Variants in CIB4 observed in about 807,000 individuals in gnomAD.
CIB4 encodes calcium and integrin-binding family member 4.
CIB4 carries 25 observed loss-of-function variants against 25.8 expected under a neutral mutation model. The observed-to-expected ratio is 0.97, with a 90% CI of 0.71 to 1.35. The LOEUF is 1.35. CIB4 is among the 40% of genes most tolerant of loss of function. The probability of loss-of-function intolerance (pLI) is 0.00; values close to 1 mark genes in which losing one functional copy is unlikely to be tolerated. For missense variants in CIB4, 235 were observed against 228.2 expected (o/e 1.03, Z -0.19); for synonymous variants, 75 against 81.4 (o/e 0.92, Z 0.42).
At chr2:26,597,426 T>TAAA (rs374182652) in intron 3 of CIB4, among the ~76,000 whole-genome samples, 16 of 138,380 alleles carry the variant, frequency 1.2e-4, no homozygotes, top group African/African-American at 2.6e-4. Context: ...CGACAGCTAT[T>TAAA]AAAAAAAAAA....
At chr2:26,607,972 T>C (rs1450145234) in intron 3 of CIB4, among the ~76,000 whole-genome samples, 1 of 152,224 alleles carries the variant, frequency 6.6e-6, no homozygotes, top group African/African-American at 2.4e-5. Context: ...GCGCGATGGC[T>C]CACGCCTGTA....
chr2:26,583,549 A>C (rs760801634), intron 5 of CIB4, among the ~76,000 whole-genome samples: 1 of 152,080 alleles, frequency 6.6e-6, no homozygotes, highest in Admixed American at 6.5e-5. Flanking sequence ...GACTTGGAGG[A>C]AGGACAGAAA....
intron 3 of CIB4, among the ~76,000 whole-genome samples, chr2:26,607,959 CG>C (rs1668923482): frequency 6.6e-6 from 1 of 152,242 alleles, no homozygotes; most frequent in African/African-American, 2.4e-5. Context: ...CAGCTCTGGC[CG>C]GGCGCGATGG....
At chr2:26,585,183 C>T (rs926370414) in intron 4 of CIB4, among the ~76,000 whole-genome samples, 20 of 152,050 alleles carry the variant, frequency 1.3e-4, no homozygotes, top group Admixed American at 3.3e-4. Flanking sequence ...CCTGGAGGGA[C>T]GGTGGGTGGA....
chr2:26,620,324 G>A (rs983230884), intron 3 of CIB4, among the ~76,000 whole-genome samples: 1 of 152,246 alleles, frequency 6.6e-6, no homozygotes, highest in Admixed American at 6.5e-5. Flanking sequence ...TGGCTGAAAG[G>A]AAGGTCAATT....
chr2:26,629,580 A>G, intron 2 of CIB4, 74 bp from the exon 3 acceptor site: 1 of 998,334 alleles, frequency 1.0e-6, no homozygotes, highest in South Asian at 1.4e-5. Context: ...AAAGGAGGCC[A>G]GCAAGCCTGT....
chr2:26,641,356 C>T lies in CIB4; in HGVS notation c.-42G>A, dbSNP rs1669632190. The T allele has an allele frequency of 1.9e-6, 3 of 1,561,116 alleles. No individual in the cohort carries two copies. Among genetic ancestry groups the T allele is most frequent in the Middle Eastern group, 3.4e-4 (2 of 5,958 alleles). On this transcript the variant is annotated 5_prime_UTR_variant, in exon 1 of 7. Coordinates refer to ENST00000288861, the MANE Select transcript of CIB4 (RefSeq NM_001029881.3). ...TGTCTGCCAGCAGTAGAACCTCAGC[C>T]TCAAGGACTCGCCAGCTGAGGCACC...
intron 4 of CIB4, among the ~76,000 whole-genome samples, chr2:26,594,722 T>A (rs762600092): frequency 1.3e-5 from 2 of 152,076 alleles, no homozygotes; most frequent in East Asian, 3.9e-4. Context: ...GACCAAAAAA[T>A]GTCAAAGTGC....
chr2:26,601,232 ATATATAT>A (rs372138663), intron 3 of CIB4, among the ~76,000 whole-genome samples: 2,516 of 45,320 alleles, frequency 0.056, 217 homozygotes, highest in Non-Finnish European at 0.076. Context: ...AAAAAAAAAA[ATATATAT>A]ATATATATAT....
chr2:26,589,087 T>TCTTCCTCTTCC (rs1668527530), intron 4 of CIB4, among the ~76,000 whole-genome samples: 2 of 93,362 alleles, frequency 2.1e-5, no homozygotes, highest in African/African-American at 1.3e-4. Flanking sequence ...CTTCTTCTTC[T>TCTTCCTCTTCC]TCTTCTTCTT....
intron 3 of CIB4, among the ~76,000 whole-genome samples, chr2:26,597,117 C>T (rs757275519): frequency 2.1e-4 from 32 of 152,086 alleles, no homozygotes; most frequent in East Asian, 1.9e-4. Flanking sequence ...TGGTTAAAAA[C>T]GTGTATCACC....
chr2:26,633,801 C>T (rs972788111), intron 2 of CIB4, among the ~76,000 whole-genome samples: 1 of 152,208 alleles, frequency 6.6e-6, no homozygotes, highest in African/African-American at 2.4e-5. Context: ...GGAGGGGCTG[C>T]CTGCGGGCTC....
intron 3 of CIB4, among the ~76,000 whole-genome samples, chr2:26,608,281 G>A (rs1236176350): frequency 1.3e-5 from 2 of 151,832 alleles, no homozygotes; most frequent in African/African-American, 2.4e-5. Context: ...GGTGAGAAGG[G>A]GGTGAGAAGG....
intron 1 of CIB4, 88 bp from the exon 2 acceptor site, chr2:26,640,655 G>A: frequency 1.5e-6 from 2 of 1,373,082 alleles, no homozygotes; most frequent in Non-Finnish European, 1.0e-6. Flanking sequence ...AGGCTGGGGA[G>A]GAAATGCCCA....
intron 3 of CIB4, among the ~76,000 whole-genome samples, chr2:26,604,264 CA>C (rs1668848480): frequency 6.6e-6 from 1 of 151,904 alleles, no homozygotes; most frequent in Admixed American, 6.6e-5. Context: ...CCTGCAGTCC[CA>C]GCCACCTGGG....
At chr2:26,631,267 G>A (rs986730580) in intron 2 of CIB4, among the ~76,000 whole-genome samples, 4 of 152,130 alleles carry the variant, frequency 2.6e-5, no homozygotes, top group African/African-American at 9.7e-5. Context: ...TTGAGCCCAA[G>A]AGTTTGAGAC....
chr2:26,636,976 A>C (rs1340411882), intron 2 of CIB4, among the ~76,000 whole-genome samples: 3 of 152,036 alleles, frequency 2.0e-5, no homozygotes, highest in Non-Finnish European at 4.4e-5. Flanking sequence ...TTCTTTCCTC[A>C]AATACCTGGT....
intron 3 of CIB4, among the ~76,000 whole-genome samples, chr2:26,618,674 C>T (rs1018029935): frequency 1.5e-4 from 23 of 152,174 alleles, no homozygotes; most frequent in Non-Finnish European, 2.6e-4. Flanking sequence ...GGGGTCCAGT[C>T]GGACCGGGTG....
At chr2:26,619,422 G>A (rs984852228) in intron 3 of CIB4, among the ~76,000 whole-genome samples, 9 of 152,130 alleles carry the variant, frequency 5.9e-5, no homozygotes, top group South Asian at 2.1e-4. Context: ...CTATATGTGC[G>A]GAAGATTCTA....
Sources: gnomAD v4.1 joint callset for allele counts (sites outside exome capture counted in the v4.1 genomes callset) on GRCh38, gnomAD v4.1.1 for gene constraint, MANE v1.5 for transcripts, NCBI Gene and HGNC (gene_info 2026-07-23, HGNC 2026-07-21) for gene names.